The following GRIN2A variants were observed in gnomAD, a reference collection of about 807,000 sequenced individuals.
GRIN2A encodes the protein glutamate receptor ionotropic, NMDA 2A.
GRIN2A carries 22 observed loss-of-function variants against 113.4 expected under a neutral mutation model. That is an observed-to-expected ratio of 0.19 (90% confidence interval 0.14 to 0.28). The LOEUF (loss-of-function observed/expected upper bound fraction) is 0.28, where lower values mean the gene tolerates loss of function less well. GRIN2A is among the 10% of genes least tolerant of loss of function. The probability of loss-of-function intolerance (pLI) is 1.00; values close to 1 mark genes in which losing one functional copy is unlikely to be tolerated. For missense variants in GRIN2A, 1,502 were observed against 1,887.0 expected, an observed-to-expected ratio of 0.80 and a Z score of 3.78; for synonymous variants, 827 against 738.4, an observed-to-expected ratio of 1.12 and a Z score of -1.94.
intron 2 of GRIN2A, among the ~76,000 whole-genome samples, chr16:9,961,985 A>G (rs1438722176): frequency 1.3e-5 from 2 of 152,202 alleles, no homozygotes; most frequent in African/African-American, 2.4e-5. Flanking sequence ...GGTCTTTGAC[A>G]AACCTGACAA....
Position 9,867,082 on chromosome 16 carries a change from G to A in GRIN2A, c.1123-17121C>T, listed in dbSNP as rs556371221. On this transcript the variant is annotated intron_variant, in intron 4 of 12. Coordinates refer to ENST00000330684, the MANE Select transcript of GRIN2A (RefSeq NM_001134407.3). ...GACCTCTTTATCCATAACATTAACA[G>A]ATTTCTTGTCATACCCACAATTTTC... is the stretch of plus-strand genomic sequence containing the variant. Among the ~76,000 whole-genome samples the A allele has an allele frequency of 1.1e-4, 16 of 152,112 alleles. No individual in the cohort carries two copies. In the South Asian group the frequency reaches 3.3e-3, roughly 32 times the overall value.
At chr16:10,117,931 T>C (rs2048760406) in intron 2 of GRIN2A, among the ~76,000 whole-genome samples, 1 of 152,210 alleles carries the variant, frequency 6.6e-6, no homozygotes, top group South Asian at 2.1e-4. Context: ...GGGCACCCCT[T>C]GTGCTAATGG....
intron 2 of GRIN2A, among the ~76,000 whole-genome samples, chr16:10,144,528 G>A (rs1296609217): frequency 6.6e-6 from 1 of 152,154 alleles, no homozygotes; most frequent in South Asian, 2.1e-4. Context: ...TTTCACTACT[G>A]AGTCATAGGA....
chr16:9,961,900 A>G (rs1161993500), intron 2 of GRIN2A, among the ~76,000 whole-genome samples: 2 of 152,202 alleles, frequency 1.3e-5, no homozygotes, highest in Non-Finnish European at 2.9e-5. Context: ...ACAGTAACCA[A>G]AACAGCATGG....
intron 2 of GRIN2A, among the ~76,000 whole-genome samples, chr16:10,091,792 C>T (rs2048189357): frequency 6.6e-6 from 1 of 152,076 alleles, no homozygotes; most frequent in Non-Finnish European, 1.5e-5. Flanking sequence ...TGTATGATTC[C>T]ATTTACATTA....
chr16:10,127,167 G>T (rs144405257), intron 2 of GRIN2A, among the ~76,000 whole-genome samples: 21 of 152,046 alleles, frequency 1.4e-4, no homozygotes, highest in Non-Finnish European at 2.6e-4. Flanking sequence ...GGGAGGTAGA[G>T]ATTGCAGTGA....
At position 10,021,252 on chromosome 16, in the gene GRIN2A, C is replaced by T. The variant is rs993958978; in HGVS notation, c.415-82701G>A. Reference sequence around the variant, plus strand: ...AGTGAATGAATGGACTGGTCAATGACGGCTCTATTCAACACATATTTATTG... The same window carrying T: ...AGTGAATGAATGGACTGGTCAATGATGGCTCTATTCAACACATATTTATTG... On this transcript the variant is annotated intron_variant, in intron 2 of 12. Transcript: ENST00000330684. 7.9e-5 allele frequency among the ~76,000 whole-genome samples: 12 copies of T among 152,322 alleles called. No individual in the cohort carries two copies. The East Asian group carries it at 1.5e-3, about 20-fold the overall frequency.
intron 2 of GRIN2A, among the ~76,000 whole-genome samples, chr16:9,965,761 T>A (rs1046214712): frequency 1.3e-5 from 2 of 152,086 alleles, no homozygotes; most frequent in Non-Finnish European, 2.9e-5. Flanking sequence ...AAAGCAGGGG[T>A]TGACAATCCA....
chr16:9,782,993 T>C (rs1902018579), intron 11 of GRIN2A, among the ~76,000 whole-genome samples: 1 of 152,206 alleles, frequency 6.6e-6, no homozygotes, highest in Non-Finnish European at 1.5e-5. Flanking sequence ...TATCTCTTAT[T>C]TGAAAACGTT....
At position 9,758,328 on chromosome 16, in the gene GRIN2A, C is replaced by G. The variant is rs759579437; in HGVS notation, c.*4821G>C. ...TCCATATCGGCATTGTCTTCAGAAGCAAATGCGAGCAGAATATATTCTATA... is the reference window on the plus strand; with the variant it reads ...TCCATATCGGCATTGTCTTCAGAAGGAAATGCGAGCAGAATATATTCTATA... On this transcript the variant is annotated 3_prime_UTR_variant, in exon 13 of 13. Transcript: ENST00000330684. 1.3e-5 allele frequency: 3 copies of G among 224,418 alleles called. No homozygotes were observed. The highest frequency in any genetic ancestry group is 2.7e-5 in the Non-Finnish European group (3 of 112,610). The allele number at this position is 224,418 out of a possible 1,614,324, so 13.9% of individuals were successfully genotyped here.
intron 2 of GRIN2A, among the ~76,000 whole-genome samples, chr16:10,056,109 A>T (rs2047453434): frequency 6.6e-6 from 1 of 152,238 alleles, no homozygotes; most frequent in African/African-American, 2.4e-5. Context: ...AGAGAAAACC[A>T]GGCAACAAAT....
At chr16:10,152,972 T>A (rs1394372755) in intron 2 of GRIN2A, among the ~76,000 whole-genome samples, 1 of 152,308 alleles carries the variant, frequency 6.6e-6, no homozygotes, top group African/African-American at 2.4e-5. Context: ...TAGATGATTT[T>A]TTTTCATGAA....
intron 3 of GRIN2A, among the ~76,000 whole-genome samples, chr16:9,929,346 C>A (rs1303608735): frequency 6.6e-6 from 1 of 152,152 alleles, no homozygotes; most frequent in Non-Finnish European, 1.5e-5. Flanking sequence ...TCTCTGTTCC[C>A]CAACATTTCT....
intron 3 of GRIN2A, among the ~76,000 whole-genome samples, chr16:9,930,650 G>C (rs2044568432): frequency 6.6e-6 from 1 of 152,176 alleles, no homozygotes; most frequent in Non-Finnish European, 1.5e-5. Flanking sequence ...TTTGCAAAGA[G>C]TTAATCACAT....
chr16:9,997,902 C>T (rs1265386925), intron 2 of GRIN2A, among the ~76,000 whole-genome samples: 11 of 152,184 alleles, frequency 7.2e-5, no homozygotes, highest in Non-Finnish European at 5.9e-5. Context: ...ATTGTGAGGC[C>T]TCCCCAGCCA....
At chr16:9,806,548 G>A (rs2041971354) in intron 10 of GRIN2A, among the ~76,000 whole-genome samples, 1 of 152,136 alleles carries the variant, frequency 6.6e-6, no homozygotes, top group Non-Finnish European at 1.5e-5. Flanking sequence ...GAGAAGCAGA[G>A]AAGGGGAGAG....
chr16:9,794,936 AGAG>A (rs1039014476), intron 11 of GRIN2A, among the ~76,000 whole-genome samples: 2 of 151,964 alleles, frequency 1.3e-5, no homozygotes, highest in African/African-American at 4.8e-5. Context: ...AGAAGGATGA[AGAG>A]GAGGAGGAGG....
At chr16:9,959,772 G>A (rs541199305) in intron 2 of GRIN2A, among the ~76,000 whole-genome samples, 3 of 152,272 alleles carry the variant, frequency 2.0e-5, no homozygotes, top group East Asian at 1.9e-4. Flanking sequence ...TCAGGAGTTC[G>A]AGACCAGCCT....
intron 2 of GRIN2A, among the ~76,000 whole-genome samples, chr16:10,090,306 A>G: frequency 6.6e-6 from 1 of 152,228 alleles, no homozygotes; most frequent in East Asian, 1.9e-4. Context: ...TTACAAAGCT[A>G]CAGAAATCAA....
Sources: allele counts gnomAD v4.1 joint callset (sites outside exome capture counted in the v4.1 genomes callset), GRCh38; gene constraint gnomAD v4.1.1; transcripts MANE v1.5; gene names NCBI Gene and HGNC (gene_info 2026-07-23, HGNC 2026-07-21).